The following PNKD variants were observed in gnomAD, a reference collection of about 807,000 sequenced individuals.
The protein encoded by PNKD is PNKD metallo-beta-lactamase domain containing.
Under a neutral mutation model 45.3 loss-of-function variants are expected in PNKD, and 36 were observed. The ratio of observed to expected loss-of-function variants is 0.80; its 90% CI spans 0.61 to 1.05. The LOEUF is 1.05. Among genes scored for constraint, PNKD ranks in the 50% least tolerant of loss-of-function variants. The probability of loss-of-function intolerance (pLI) is 0.00; values close to 1 mark genes in which losing one functional copy is unlikely to be tolerated. For missense variants in PNKD, 511 were observed against 506.6 expected (o/e 1.01, Z -0.08); for synonymous variants, 197 against 210.1 (o/e 0.94, Z 0.54).
chr2:218,278,613 C>T (rs1460235285), intron 2 of PNKD: 1 of 1,602,646 alleles, frequency 6.2e-7, no homozygotes, highest in Non-Finnish European at 8.5e-7. Context: ...ATCTGCCCCG[C>T]TTGGCAGCAC....
intron 2 of PNKD, chr2:218,277,963 G>A (rs1691415398): frequency 9.3e-6 from 15 of 1,614,202 alleles, no homozygotes; most frequent in Non-Finnish European, 1.3e-5. Context: ...GATGTTCCAT[G>A]GGAAACGGCG....
At chr2:218,332,169 T>C (rs1453406491) in intron 2 of PNKD, among the ~76,000 whole-genome samples, 1 of 152,154 alleles carries the variant, frequency 6.6e-6, no homozygotes, top group African/African-American at 2.4e-5. Context: ...TTTTTGCCAG[T>C]GCTTTGCAGT....
rs1167758595 is a variant in PNKD, at chr2:218,324,997, C to CTTTTTTTTTTT, written c.237-14768_237-14758dup. 6.4e-5 allele frequency among the ~76,000 whole-genome samples: 4 copies of CTTTTTTTTTTT among 62,660 alleles called. 2 individuals are homozygous for CTTTTTTTTTTT. Among genetic ancestry groups the CTTTTTTTTTTT allele is most frequent in the African/African-American group, 2.7e-4 (4 of 14,862 alleles). The allele number at this position is 62,660 out of a possible 152,430, so 41.1% of individuals were successfully genotyped here. A position where few individuals can be genotyped will look rare whatever the true frequency, so the allele number is the denominator to read the frequency against. On this transcript the variant is annotated intron_variant, in intron 2 of 9. Transcript: ENST00000273077. ...AACATGAAGGTATCTAAATAATTTTCTTTTTTTTTTTTTTTTTTTTTTTTT... is the reference window on the plus strand; with the variant it reads ...AACATGAAGGTATCTAAATAATTTTCTTTTTTTTTTTTTTTTTTTTTTTTTTTTTTTTTTTT...
intron 2 of PNKD, chr2:218,334,553 T>C: frequency 1.7e-6 from 1 of 583,130 alleles, no homozygotes; most frequent in South Asian, 2.2e-5. Flanking sequence ...CTCAGGAGGC[T>C]GAGGCGGGAG....
At chr2:218,319,033 T>C (rs1693902998) in intron 2 of PNKD, among the ~76,000 whole-genome samples, 1 of 147,792 alleles carries the variant, frequency 6.8e-6, no homozygotes, top group Non-Finnish European at 1.5e-5. Flanking sequence ...CGGTTCACTG[T>C]AACCTCCGCC....
At chr2:218,282,728 G>A (rs1471464950) in intron 2 of PNKD, among the ~76,000 whole-genome samples, 2 of 152,184 alleles carry the variant, frequency 1.3e-5, no homozygotes, top group Non-Finnish European at 2.9e-5. Context: ...TAGCCCCAGT[G>A]CCAGAGCTGC....
chr2:218,282,095 A>G, intron 2 of PNKD: 1 of 1,573,280 alleles, frequency 6.4e-7, no homozygotes, highest in Non-Finnish European at 8.6e-7. Context: ...GCCTGGGTAC[A>G]GGGGGTTGCG....
At chr2:218,343,467 C>T (rs781124759) in intron 7 of PNKD, 33 bp from the exon 8 acceptor site, 2 of 1,541,132 alleles carry the variant, frequency 1.3e-6, no homozygotes, top group East Asian at 4.5e-5. Flanking sequence ...GTTATCCTGG[C>T]ACCTTGTGAC....
chr2:218,310,308 C>T (rs1308389485), intron 2 of PNKD, among the ~76,000 whole-genome samples: 5 of 151,784 alleles, frequency 3.3e-5, no homozygotes, highest in South Asian at 2.1e-4. Flanking sequence ...CTGCAACCTC[C>T]GCCTCCCGGA....
intron 2 of PNKD, among the ~76,000 whole-genome samples, chr2:218,335,771 G>A (rs1694471191): frequency 6.6e-6 from 1 of 152,194 alleles, no homozygotes; most frequent in Non-Finnish European, 1.5e-5. Flanking sequence ...AGACAATGCA[G>A]TGATTAAACT....
intron 2 of PNKD, among the ~76,000 whole-genome samples, chr2:218,317,129 G>A (rs2106268109): frequency 6.6e-6 from 1 of 152,284 alleles, no homozygotes; most frequent in East Asian, 1.9e-4. Context: ...AGAAGTTCCA[G>A]GTGAATCTAG....
chr2:218,321,023 A>G (rs1382179640), intron 2 of PNKD, among the ~76,000 whole-genome samples: 1 of 152,116 alleles, frequency 6.6e-6, no homozygotes, highest in African/African-American at 2.4e-5. Flanking sequence ...CCTTGACTCC[A>G]TATGTTTCAT....
At chr2:218,327,475 A>G (rs1160304437) in intron 2 of PNKD, among the ~76,000 whole-genome samples, 1 of 151,980 alleles carries the variant, frequency 6.6e-6, no homozygotes, top group Non-Finnish European at 1.5e-5. Context: ...GGCCTGTGGG[A>G]CCGTGGAGAA....
chr2:218,284,936 A>G (rs1692381465), intron 2 of PNKD, among the ~76,000 whole-genome samples: 1 of 152,162 alleles, frequency 6.6e-6, no homozygotes, highest in South Asian at 2.1e-4. Flanking sequence ...CTAAAAATAT[A>G]AAAATTAGCT....
At chr2:218,294,979 A>G (rs1040468203) in intron 2 of PNKD, among the ~76,000 whole-genome samples, 1 of 152,198 alleles carries the variant, frequency 6.6e-6, no homozygotes, top group Non-Finnish European at 1.5e-5. Context: ...AACCACCAGG[A>G]TGGTTAATAT....
chr2:218,285,197 G>C (rs1336432115), intron 2 of PNKD, among the ~76,000 whole-genome samples: 1 of 152,236 alleles, frequency 6.6e-6, no homozygotes. Flanking sequence ...CAACAGTCCA[G>C]CAAGTTAATA....
chr2:218,309,777 C>CA (rs947900047), intron 2 of PNKD, among the ~76,000 whole-genome samples: 2 of 148,738 alleles, frequency 1.3e-5, no homozygotes, highest in African/African-American at 5.0e-5. Flanking sequence ...ACTAAAAATA[C>CA]AAAAAAAATT....
intron 2 of PNKD, among the ~76,000 whole-genome samples, chr2:218,278,861 A>G (rs1691547854): frequency 6.6e-6 from 1 of 152,218 alleles, no homozygotes; most frequent in Admixed American, 6.5e-5. Flanking sequence ...CTCGAGTTCT[A>G]GGGGTCTGCT....
intron 2 of PNKD, among the ~76,000 whole-genome samples, chr2:218,289,673 G>C (rs988604810): frequency 1.0e-4 from 15 of 147,748 alleles, no homozygotes; most frequent in Non-Finnish European, 2.2e-4. Context: ...CACTCTGCCA[G>C]TTTCTGATTC....
Sources: allele counts gnomAD v4.1 joint callset (sites outside exome capture counted in the v4.1 genomes callset), GRCh38; gene constraint gnomAD v4.1.1; transcripts MANE v1.5; gene names NCBI Gene and HGNC (gene_info 2026-07-23, HGNC 2026-07-21).